The following RAPGEF5 variants were observed in gnomAD, a reference collection of about 807,000 sequenced individuals.
RAPGEF5 encodes the protein M-Ras-regulated GEF.
Under a neutral mutation model 125.2 loss-of-function variants are expected in RAPGEF5, and 65 were observed. The ratio of observed to expected loss-of-function variants is 0.52; its 90% CI spans 0.43 to 0.64. The LOEUF (loss-of-function observed/expected upper bound fraction) is 0.64. Among genes scored for constraint, RAPGEF5 ranks in the 30% least tolerant of loss-of-function variants. The probability of loss-of-function intolerance (pLI) is 0.00; values close to 1 mark genes in which losing one functional copy is unlikely to be tolerated. For missense variants in RAPGEF5, 958 were observed against 1,048.1 expected (o/e 0.91, Z 1.19); for synonymous variants, 391 against 385.9 (o/e 1.01, Z -0.16).
chr7:22,305,664 G>A lies in RAPGEF5; in HGVS notation c.680+2675C>T, dbSNP rs1047424882. Among the ~76,000 whole-genome samples, 12 of 151,900 alleles carry A rather than the reference G, an allele frequency of 7.9e-5. No individual in the cohort carries two copies. In the South Asian group the frequency reaches 1.0e-3, roughly 13 times the overall value. ...GTGGGCCTTATTCATTCTTTCTAAC[G>A]TTTTTTTGGTACCCATTAACCATCC... On this transcript the variant is annotated intron_variant, in intron 5 of 25. Coordinates refer to ENST00000665637, the MANE Select transcript of RAPGEF5 (RefSeq NM_012294.5).
chr7:22,161,583 A>ACACACAC (rs1784002103), intron 13 of RAPGEF5, among the ~76,000 whole-genome samples: 1 of 93,890 alleles, frequency 1.1e-5, no homozygotes, highest in African/African-American at 3.9e-5. Flanking sequence ...CACACACACA[A>ACACACAC]TTCCACATAA....
rs1463560543 is a variant in RAPGEF5, at chr7:22,193,788, G to A, written c.1115+127C>T. On this transcript the variant is annotated intron_variant, in intron 10 of 25. Coordinates refer to ENST00000665637, the MANE Select transcript of RAPGEF5 (RefSeq NM_012294.5). ...CAGTCAGCTAGAACGCTGGAGAGGC[G>A]GAGAGAAAAGAGAGGGAGGGAGGGT... 1.9e-6 allele frequency: 3 copies of A among 1,602,662 alleles called. No individual in the cohort carries two copies. In the Admixed American group the frequency reaches 5.2e-5, roughly 28 times the overall value.
chr7:22,241,649 G>A (rs1204376765), intron 7 of RAPGEF5, among the ~76,000 whole-genome samples: 2 of 152,108 alleles, frequency 1.3e-5, no homozygotes, highest in African/African-American at 2.4e-5. Flanking sequence ...TGTGGAAGGA[G>A]GGATGGATTT....
chr7:22,140,718 A>G (rs1783231155), intron 20 of RAPGEF5, among the ~76,000 whole-genome samples: 2 of 152,208 alleles, frequency 1.3e-5, no homozygotes, highest in Admixed American at 6.5e-5. Flanking sequence ...TCTTGAGGCT[A>G]TCCACTCTGC....
At chr7:22,126,131 AGAGT>A (rs1442285274) in intron 24 of RAPGEF5, among the ~76,000 whole-genome samples, 1 of 152,202 alleles carries the variant, frequency 6.6e-6, no homozygotes, top group African/African-American at 2.4e-5. Flanking sequence ...CCTGGGTGAC[AGAGT>A]GAGACTCCGT....
At chr7:22,327,932 A>G (rs1407626408) in intron 1 of RAPGEF5, among the ~76,000 whole-genome samples, 1 of 152,274 alleles carries the variant, frequency 6.6e-6, no homozygotes, top group East Asian at 1.9e-4. Context: ...AAAATTATAT[A>G]AAGAGCTTAG....
chr7:22,332,432 T>TA (rs1194881471), intron 1 of RAPGEF5, among the ~76,000 whole-genome samples: 3 of 152,148 alleles, frequency 2.0e-5, no homozygotes, highest in African/African-American at 2.4e-5. Flanking sequence ...TTAAATGCAG[T>TA]AAAAAAGTCA....
intron 1 of RAPGEF5, among the ~76,000 whole-genome samples, chr7:22,348,830 T>C (rs1784274651): frequency 6.6e-6 from 1 of 152,204 alleles, no homozygotes; most frequent in Non-Finnish European, 1.5e-5. Flanking sequence ...CTCACGCCTG[T>C]AATCCCAAAA....
At chr7:22,258,021 T>C (rs1201425208) in intron 7 of RAPGEF5, among the ~76,000 whole-genome samples, 3 of 152,176 alleles carry the variant, frequency 2.0e-5, no homozygotes, top group Non-Finnish European at 4.4e-5. Flanking sequence ...CATTGACAGA[T>C]GATGAATTTG....
At chr7:22,189,804 G>A (rs1053490928) in intron 11 of RAPGEF5, among the ~76,000 whole-genome samples, 6 of 152,156 alleles carry the variant, frequency 3.9e-5, no homozygotes, top group African/African-American at 1.4e-4. Context: ...GAAAAATTTA[G>A]ATGACAATGA....
intron 1 of RAPGEF5, 41 bp downstream of exon 1, chr7:22,356,789 C>G: frequency 9.1e-7 from 1 of 1,095,886 alleles, no homozygotes; most frequent in Non-Finnish European, 1.1e-6. Flanking sequence ...GCTCCACGTG[C>G]GCGCCGCCCG....
rs562361460 is a variant in RAPGEF5, at chr7:22,311,870, TAGTC to T, written c.390-1784_390-1781del. Among the ~76,000 whole-genome samples, 135 of 152,354 alleles carry T rather than the reference TAGTC, an allele frequency of 8.9e-4. 2 individuals carry two copies. In the South Asian group the frequency reaches 0.017, roughly 20 times the overall value. On this transcript the variant is annotated intron_variant, in intron 3 of 25. Transcript: ENST00000665637. ...TTAATTCCTCAACACCTCTGCCAAT[TAGTC>T]AGCATCTCAGGGCTTTGAAAGCACT...
chr7:22,122,375 T>A lies in RAPGEF5; in HGVS notation c.*31A>T, dbSNP rs368648131. ...TAGACATTCCCGTAGCTCAAAGTGC[T>A]GCAGATACAGGGGAGGTGAGGCAGT... On this transcript the variant is annotated 3_prime_UTR_variant, in exon 26 of 26. Transcript: ENST00000665637. 1 of 1,527,050 alleles carries A rather than the reference T, an allele frequency of 6.5e-7. No individual in the cohort carries two copies. The highest frequency in any genetic ancestry group is 2.3e-5 in the East Asian group (1 of 44,378). 94.6% of individuals were successfully genotyped at this position (1,527,050 alleles called of 1,614,324 possible).
At chr7:22,144,624 G>C (rs1279919765) in intron 20 of RAPGEF5, among the ~76,000 whole-genome samples, 2 of 152,186 alleles carry the variant, frequency 1.3e-5, no homozygotes, top group East Asian at 3.9e-4. Context: ...TAATGAACGA[G>C]TTCGCAAAAG....
chr7:22,291,917 C>T (rs1782945174), intron 5 of RAPGEF5, among the ~76,000 whole-genome samples: 1 of 152,156 alleles, frequency 6.6e-6, no homozygotes, highest in African/African-American at 2.4e-5. Flanking sequence ...AAAAAGACTT[C>T]ACCAAATGTA....
chr7:22,238,157 T>C (rs1025189767), intron 7 of RAPGEF5, among the ~76,000 whole-genome samples: 3 of 152,222 alleles, frequency 2.0e-5, no homozygotes, highest in African/African-American at 7.2e-5. Context: ...GAGGGCAGGT[T>C]AATAATTTGA....
In RAPGEF5 at chr7:22,315,463, T is replaced by C. The variant is rs1182949926; in HGVS notation, c.296A>G (p.Asn99Ser). Residue 99 changes from asparagine to serine, a missense_variant, in exon 3 of 26, where the codon AAT (asparagine) becomes AGT (serine). Physicochemically the swap from Asn to Ser is conservative, Grantham distance 46. Transcript: ENST00000665637. ...CAATGCTCTTCCTGCACAAGAAGAA[T>C]TCTCTCCATAAATCTAAATGGAAAA... ...EHTPSQIYGE[N>S]SSCAGRALRN... is the part of the protein sequence containing the mutation. The C allele has an allele frequency of 6.7e-7, 1 of 1,498,706 alleles. No homozygotes were observed. Among genetic ancestry groups the C allele is most frequent in the Non-Finnish European group, 8.9e-7 (1 of 1,126,672 alleles). 92.8% of individuals were successfully genotyped at this position (1,498,706 alleles called of 1,614,324 possible). A position where few individuals can be genotyped will look rare whatever the true frequency, so the allele number is the denominator to read the frequency against.
At chr7:22,131,569 T>C (rs906556317) in intron 23 of RAPGEF5, among the ~76,000 whole-genome samples, 15 of 152,216 alleles carry the variant, frequency 9.9e-5, no homozygotes, top group Non-Finnish European at 2.1e-4. Flanking sequence ...TAGATTTAGA[T>C]GTTTAAATTT....
Position 22,216,795 on chromosome 7 carries a change from C to A in RAPGEF5, c.996+3071G>T, listed in dbSNP as rs150980686. On this transcript the variant is annotated intron_variant, in intron 9 of 25. Coordinates refer to ENST00000665637, the MANE Select transcript of RAPGEF5 (RefSeq NM_012294.5). ...AATGGAGTGCTTCCTGAGAAGCTTG[C>A]GATAATTATACATTTAACTTCTTAA... 1.9e-3 allele frequency among the ~76,000 whole-genome samples: 283 copies of A among 152,202 alleles called. 1 individual carries two copies. Among genetic ancestry groups the A allele is most frequent in the African/African-American group, 6.5e-3 (268 of 41,516 alleles).
Sources: allele counts gnomAD v4.1 joint callset (sites outside exome capture counted in the v4.1 genomes callset), GRCh38; gene constraint gnomAD v4.1.1; transcripts MANE v1.5; gene names NCBI Gene and HGNC (gene_info 2026-07-23, HGNC 2026-07-21).